ANK2: variants seen among roughly 807,000 people sequenced by gnomAD.
The protein encoded by ANK2 is ankyrin 2, also known as ankyrin-2.
Under a neutral mutation model 360.5 loss-of-function variants are expected in ANK2, and 83 were observed. That is an observed-to-expected ratio of 0.23 (90% CI 0.19 to 0.28). The LOEUF (loss-of-function observed/expected upper bound fraction) is 0.28, where lower values mean the gene tolerates loss of function less well. Ranked by LOEUF, ANK2 falls within the 10% of genes least tolerant of loss-of-function variation. ANK2 has a pLI of 1.00. For synonymous variants in ANK2, 1,740 were observed against 1,759.5 expected, an observed-to-expected ratio of 0.99 and a Z score of 0.28; for missense variants, 4,201 against 4,795.7, an observed-to-expected ratio of 0.88 and a Z score of 3.66.
chr4:112,856,605 G>A (rs1456843919), intron 1 of ANK2, among the ~76,000 whole-genome samples: 1 of 152,178 alleles, frequency 6.6e-6, no homozygotes, highest in Admixed American at 6.5e-5. Flanking sequence ...TGACACACCT[G>A]TAATCCCAGC....
the ANK2 span, among the ~76,000 whole-genome samples, chr4:112,791,483 T>C: frequency 5.2e-3 from 343 of 65,812 alleles, 1 homozygote; most frequent in East Asian, 0.017. Flanking sequence ...CTTCTTCTTT[T>C]TTTTTTTTTT....
At chr4:113,035,006 T>C (rs1387925849) in intron 2 of ANK2, among the ~76,000 whole-genome samples, 1 of 151,922 alleles carries the variant, frequency 6.6e-6, no homozygotes, top group African/African-American at 2.4e-5. Flanking sequence ...GAGAACCTCA[T>C]CGTTTTTCTA....
At chr4:113,269,217 G>T (rs1438879530) in intron 14 of ANK2, among the ~76,000 whole-genome samples, 1 of 152,184 alleles carries the variant, frequency 6.6e-6, no homozygotes, top group Non-Finnish European at 1.5e-5. Flanking sequence ...TGGCTCCCCT[G>T]GGGTGGGATC....
At chr4:113,165,509 C>T (rs958421346) in intron 1 of ANK2, among the ~76,000 whole-genome samples, 1 of 152,062 alleles carries the variant, frequency 6.6e-6, no homozygotes, top group Admixed American at 6.6e-5. Flanking sequence ...GCATTTTGAA[C>T]ATAAAACAGT....
chr4:113,281,859 C>A (rs1256613243), intron 17 of ANK2, among the ~76,000 whole-genome samples: 2 of 152,070 alleles, frequency 1.3e-5, no homozygotes, highest in African/African-American at 4.8e-5. Flanking sequence ...TTTGTACTTT[C>A]AAAGCAGCAG....
chr4:112,809,454 C>T, the ANK2 span, among the ~76,000 whole-genome samples: 3 of 150,308 alleles, frequency 2.0e-5, no homozygotes, highest in Non-Finnish European at 4.4e-5. Context: ...CCAGCTACTC[C>T]GGAGGCTGAG....
intron 45 of ANK2, among the ~76,000 whole-genome samples, chr4:113,380,662 A>T (rs1333890656): frequency 6.6e-6 from 1 of 152,252 alleles, no homozygotes; most frequent in Non-Finnish European, 1.5e-5. Flanking sequence ...ACTCCGTCTC[A>T]AGAAAAGGTG....
At chr4:112,733,282 G>A in the ANK2 span, among the ~76,000 whole-genome samples, 2 of 151,916 alleles carry the variant, frequency 1.3e-5, no homozygotes, top group African/African-American at 2.4e-5. Flanking sequence ...CTGAGACTTG[G>A]ATTCCTCCTC....
chr4:112,950,272 A>C (rs376602391), intron 2 of ANK2, among the ~76,000 whole-genome samples: 2 of 152,186 alleles, frequency 1.3e-5, no homozygotes, highest in Non-Finnish European at 2.9e-5. Context: ...TGTTGAGTAA[A>C]TGTGTAAATA....
the ANK2 span, chr4:112,798,215 A>C: frequency 6.6e-6 from 1 of 152,606 alleles, no homozygotes; most frequent in Non-Finnish European, 1.5e-5. Context: ...AATGTGTCCA[A>C]ACTTGATAGT....
At chr4:112,766,269 C>G in the ANK2 span, among the ~76,000 whole-genome samples, 1 of 151,220 alleles carries the variant, frequency 6.6e-6, no homozygotes, top group Admixed American at 6.6e-5. Flanking sequence ...TGCAGTGAGC[C>G]GAGATCGCAC....
intron 2 of ANK2, among the ~76,000 whole-genome samples, chr4:112,991,619 C>CTTTTTTTTTTTTTTTTTTTTTTTTTTTTT (rs35505334): frequency 7.9e-6 from 1 of 125,858 alleles, no homozygotes; most frequent in Non-Finnish European, 1.6e-5. Flanking sequence ...TTCTTTCTTT[C>CTTTTTTTTTTTTTTTTTTTTTTTTTTTTT]TTTTTTTTTT....
intron 1 of ANK2, among the ~76,000 whole-genome samples, chr4:113,131,915 A>G (rs1294030000): frequency 1.3e-5 from 2 of 152,224 alleles, no homozygotes; most frequent in Non-Finnish European, 2.9e-5. Context: ...AAATGTATAG[A>G]CAAAAGGATT....
chr4:112,732,824 A>G, the ANK2 span, among the ~76,000 whole-genome samples: 1 of 152,082 alleles, frequency 6.6e-6, no homozygotes, highest in African/African-American at 2.4e-5. Context: ...GCTCACGCCT[A>G]TAATCTCAGC....
chr4:113,307,867 A>C lies in ANK2; in HGVS notation c.2549-3388A>C, dbSNP rs565318044. On this transcript the variant is annotated intron_variant, in intron 23 of 45. Coordinates refer to ENST00000357077, the MANE Select transcript of ANK2 (RefSeq NM_001148.6). ...TGATGCTTTCCAGTTAGTAGAAAAC[A>C]GTTTTCACGAAATTGCTTGGAAACA... Among the ~76,000 whole-genome samples, 29 of 152,328 alleles carry C rather than the reference A, an allele frequency of 1.9e-4. No homozygotes were observed. The East Asian group carries it at 5.4e-3, about 28-fold the overall frequency.
chr4:112,833,402 T>A (rs2060236580), intron 1 of ANK2, among the ~76,000 whole-genome samples: 1 of 152,210 alleles, frequency 6.6e-6, no homozygotes, highest in South Asian at 2.1e-4. Flanking sequence ...ATTAGAGTAG[T>A]TTAAGCAGTG....
At position 113,292,490 on chromosome 4, in the gene ANK2, G is replaced by C; in HGVS notation, c.2352G>C (p.Gly784=). 6.2e-7 allele frequency: 1 copy of C among 1,611,300 alleles called. No homozygotes were observed. Among genetic ancestry groups the C allele is most frequent in the Non-Finnish European group, 8.5e-7 (1 of 1,178,696 alleles). The change falls in exon 21 of 46, where the codon GGG becomes GGC. Residue 784 remains glycine (G), a synonymous_variant. Coordinates refer to ENST00000357077, the MANE Select transcript of ANK2 (RefSeq NM_001148.6). ...THIINVLLQH[G]AKPNATTANG... ...TCATCAACGTCCTGCTCCAGCATGG[G>C]GCCAAGCCCAACGCCACCACTGCGG...
intron 1 of ANK2, among the ~76,000 whole-genome samples, chr4:113,156,572 AT>A (rs2097306748): frequency 6.6e-6 from 1 of 151,714 alleles, no homozygotes. Flanking sequence ...GGGTTTCACC[AT>A]GTTGCCCTAG....
At chr4:112,738,360 C>G in the ANK2 span, among the ~76,000 whole-genome samples, 4 of 136,478 alleles carry the variant, frequency 2.9e-5, no homozygotes, top group Non-Finnish European at 4.6e-5. Flanking sequence ...TGCAGTGAGC[C>G]AAGATTGTGC....
Sources: allele counts gnomAD v4.1 joint callset (sites outside exome capture counted in the v4.1 genomes callset), GRCh38; gene constraint gnomAD v4.1.1; transcripts MANE v1.5; gene names NCBI Gene and HGNC (gene_info 2026-07-23, HGNC 2026-07-21).